The following PALM2AKAP2 variants were observed in gnomAD, a reference collection of about 807,000 sequenced individuals.
PALM2AKAP2 encodes the protein PALM2 and AKAP2 fusion.
A neutral mutation model predicts 71.5 loss-of-function variants in PALM2AKAP2; 37 were observed. The observed-to-expected ratio is 0.52, with a 90% CI of 0.40 to 0.68. The LOEUF is 0.68. PALM2AKAP2 is among the 30% of genes least tolerant of loss of function. The probability of loss-of-function intolerance (pLI) is 0.00; values close to 1 mark genes in which losing one functional copy is unlikely to be tolerated. For synonymous variants in PALM2AKAP2, 468 were observed against 478.8 expected, an observed-to-expected ratio of 0.98 and a Z score of 0.29; for missense variants, 1,224 against 1,191.8, an observed-to-expected ratio of 1.03 and a Z score of -0.40.
chr9:109,943,511 T>G, intron 6 of PALM2AKAP2: 2 of 1,487,328 alleles, frequency 1.3e-6, no homozygotes, highest in Non-Finnish European at 1.8e-6. Flanking sequence ...TGCAATACTG[T>G]GAACTGGAAG....
intron 1 of PALM2AKAP2, among the ~76,000 whole-genome samples, chr9:109,805,314 A>G (rs1827541968): frequency 1.3e-5 from 2 of 152,226 alleles, no homozygotes; most frequent in African/African-American, 4.8e-5. Context: ...TGATCACCCT[A>G]GCTCAAAAAT....
At chr9:110,011,020 T>TAC (rs1564258833) in intron 6 of PALM2AKAP2, among the ~76,000 whole-genome samples, 1 of 123,906 alleles carries the variant, frequency 8.1e-6, no homozygotes, top group African/African-American at 3.2e-5. Context: ...AAAAAATATA[T>TAC]ATATATATAT....
chr9:109,664,125 G>A (rs1057513163), intron 1 of PALM2AKAP2, among the ~76,000 whole-genome samples: 2 of 152,116 alleles, frequency 1.3e-5, no homozygotes, highest in African/African-American at 4.8e-5. Context: ...ACACTGATGG[G>A]TCTTGACTCT....
At chr9:109,914,631 C>T (rs11792925) in intron 3 of PALM2AKAP2, among the ~76,000 whole-genome samples, 6,721 of 152,286 alleles carry the variant, frequency 0.044, 160 homozygotes, top group South Asian at 0.059. Flanking sequence ...ACTGCAGTTC[C>T]AGAGAAGAGA....
intron 1 of PALM2AKAP2, among the ~76,000 whole-genome samples, chr9:109,697,395 G>T (rs898966112): frequency 1.1e-4 from 16 of 152,034 alleles, no homozygotes; most frequent in Admixed American, 8.5e-4. Flanking sequence ...AGGCCAATTG[G>T]GGTCTATGAA....
intron 7 of PALM2AKAP2, among the ~76,000 whole-genome samples, chr9:110,031,210 C>A (rs1351580125): frequency 6.6e-6 from 1 of 152,162 alleles, no homozygotes; most frequent in Non-Finnish European, 1.5e-5. Context: ...GCAACCTCCA[C>A]CTCCCAGGTT....
At chr9:109,779,362 G>A (rs1829396972), upstream of PALM2AKAP2, among the ~76,000 whole-genome samples, 1 of 152,194 alleles carries the variant, frequency 6.6e-6, no homozygotes, top group Admixed American at 6.5e-5. Flanking sequence ...ATTTTAGTGA[G>A]TAGATCCTAC....
chr9:109,717,774 T>G (rs562853843), intron 1 of PALM2AKAP2, among the ~76,000 whole-genome samples: 130 of 152,330 alleles, frequency 8.5e-4, no homozygotes, highest in African/African-American at 3.0e-3. Flanking sequence ...GAAAAGCACA[T>G]GTTTCCATGA....
At chr9:110,075,763 T>G (rs2118641424) in intron 1 of PALM2AKAP2, among the ~76,000 whole-genome samples, 1 of 152,240 alleles carries the variant, frequency 6.6e-6, no homozygotes, top group African/African-American at 2.4e-5. Context: ...TAAAATAATT[T>G]TAAACTTAGA....
At chr9:110,036,699 T>C (rs554965516) in intron 7 of PALM2AKAP2, among the ~76,000 whole-genome samples, 11 of 152,260 alleles carry the variant, frequency 7.2e-5, no homozygotes, top group African/African-American at 2.6e-4. Context: ...CCAAAGTGCT[T>C]ATCAAGGTTT....
At chr9:109,960,198 C>A (rs546584150) in intron 6 of PALM2AKAP2, among the ~76,000 whole-genome samples, 2 of 152,232 alleles carry the variant, frequency 1.3e-5, no homozygotes, top group South Asian at 2.1e-4. Flanking sequence ...TGTCCCTCTT[C>A]CCCTGGAGAA....
chr9:109,924,636 A>G (rs1830911291), intron 4 of PALM2AKAP2, among the ~76,000 whole-genome samples: 4 of 152,048 alleles, frequency 2.6e-5, no homozygotes, highest in Admixed American at 6.5e-5. Context: ...CAAACAAACA[A>G]AAAAACAGGT....
At chr9:109,714,712 G>A (rs1828290037) in intron 1 of PALM2AKAP2, among the ~76,000 whole-genome samples, 2 of 152,142 alleles carry the variant, frequency 1.3e-5, no homozygotes, top group African/African-American at 4.8e-5. Context: ...CCAGGATGAG[G>A]TTCTCATTCC....
chr9:109,763,631 A>T (rs1187676694), intron 1 of PALM2AKAP2, among the ~76,000 whole-genome samples: 2 of 152,190 alleles, frequency 1.3e-5, no homozygotes, highest in Non-Finnish European at 2.9e-5. Flanking sequence ...TCACTCTCTC[A>T]TAGTTCTGGG....
At chr9:110,140,594 A>G (rs1024914354) in intron 2 of PALM2AKAP2, among the ~76,000 whole-genome samples, 1 of 151,984 alleles carries the variant, frequency 6.6e-6, no homozygotes, top group Non-Finnish European at 1.5e-5. Flanking sequence ...GTTCATTCAT[A>G]CTTTCTCCCT....
rs534277785 is a variant in PALM2AKAP2, at chr9:109,711,522, T to C, written c.6-68966T>C. 2.6e-4 allele frequency among the ~76,000 whole-genome samples: 39 copies of C among 152,376 alleles called. No homozygotes were observed. The South Asian group carries it at 7.7e-3, about 30-fold the overall frequency. On this transcript the variant is annotated intron_variant, in intron 1 of 6. Coordinates refer to the PALM2AKAP2 transcript ENST00000374531. Reference sequence around the variant, plus strand: ...TCCAAGTATTTATTTAAAAAACTACTTCAAGACGACATTGGAGGGTGGTTA... The same window carrying C: ...TCCAAGTATTTATTTAAAAAACTACCTCAAGACGACATTGGAGGGTGGTTA...
At chr9:109,667,425 C>A (rs1420061263) in intron 1 of PALM2AKAP2, among the ~76,000 whole-genome samples, 1 of 152,098 alleles carries the variant, frequency 6.6e-6, no homozygotes. Flanking sequence ...AAGATCTACA[C>A]CAGAGGTCAT....
At chr9:109,701,210 C>T (rs1173340751) in intron 1 of PALM2AKAP2, among the ~76,000 whole-genome samples, 2 of 152,144 alleles carry the variant, frequency 1.3e-5, no homozygotes. Context: ...ATCAAACTAC[C>T]AATGACTTTC....
At position 109,880,627 on chromosome 9, in the gene PALM2AKAP2, G is replaced by A. The variant is rs145553769; in HGVS notation, c.203G>A (p.Arg68Gln). ...GCCGAAGAGGAGGAAGCCAGGAGGCGGCAGTCTGAAGAGGATGAGTTCAGA... is the reference window on the plus strand; with the variant it reads ...GCCGAAGAGGAGGAAGCCAGGAGGCAGCAGTCTGAAGAGGATGAGTTCAGA... Residue 68 changes from arginine to glutamine, a missense_variant, in exon 3 of 10, where the codon CGG (arginine) becomes CAG (glutamine). Physicochemically the swap from Arg to Gln is conservative, Grantham distance 43. Coordinates refer to the PALM2AKAP2 transcript ENST00000302798. The A allele has an allele frequency of 3.1e-6, 5 of 1,614,004 alleles. No individual in the cohort carries two copies. In the East Asian group the frequency reaches 6.7e-5, roughly 22 times the overall value.
Sources: gnomAD v4.1 joint callset for allele counts (sites outside exome capture counted in the v4.1 genomes callset) on GRCh38, gnomAD v4.1.1 for gene constraint, MANE v1.5 for transcripts, NCBI Gene and HGNC (gene_info 2026-07-23, HGNC 2026-07-21) for gene names.